The following BDP1 variants were observed in gnomAD, a reference collection of about 807,000 sequenced individuals.
BDP1 encodes the protein transcription factor TFIIIB component B'' homolog.
A neutral mutation model predicts 266.6 loss-of-function variants in BDP1; 169 were observed. The ratio of observed to expected loss-of-function variants is 0.63; its 90% CI spans 0.56 to 0.72. The LOEUF is 0.72. Among genes scored for constraint, BDP1 ranks in the 30% least tolerant of loss-of-function variants. The probability of loss-of-function intolerance (pLI) is 0.00; values close to 1 mark genes in which losing one functional copy is unlikely to be tolerated. For missense variants in BDP1, 3,015 were observed against 3,053.8 expected, an observed-to-expected ratio of 0.99 and a Z score of 0.30; for synonymous variants, 1,090 against 1,022.4, an observed-to-expected ratio of 1.07 and a Z score of -1.26.
chr5:71,463,920 A>C, intron 3 of BDP1, 138 bp from the exon 4 acceptor site: 1 of 536,948 alleles, frequency 1.9e-6, no homozygotes, highest in Non-Finnish European at 3.3e-6. Flanking sequence ...TGATTGTTGG[A>C]TTGTACTGTC....
Position 71,501,765 on chromosome 5 carries a change from T to A in BDP1, c.2048+112T>A, listed in dbSNP as rs548663289. ...GTCTGAATTTAATTTTCAAGCAGCA[T>A]ACTTTAAGTTCGTTTTCAACCATAG... On this transcript the variant is annotated intron_variant, in intron 14 of 38. Transcript: ENST00000358731. The A allele has an allele frequency of 1.6e-5, 11 of 684,074 alleles. No homozygotes were observed. In the African/African-American group the frequency reaches 2.0e-4, roughly 13 times the overall value. 42.4% of individuals were successfully genotyped at this position (684,074 alleles called of 1,614,324 possible).
intron 3 of BDP1, among the ~76,000 whole-genome samples, chr5:71,463,315 A>G (rs1416770316): frequency 6.6e-6 from 1 of 152,092 alleles, no homozygotes; most frequent in Non-Finnish European, 1.5e-5. Context: ...TCATTGTTGT[A>G]TTGTTGATGG....
intron 7 of BDP1, chr5:71,476,174 T>A: frequency 6.5e-6 from 1 of 153,698 alleles, no homozygotes. Flanking sequence ...CTGGCAGCTT[T>A]GAGAAAACAC....
chr5:71,563,640 C>CAT, intron 38 of BDP1, among the ~76,000 whole-genome samples: 1 of 151,982 alleles, frequency 6.6e-6, no homozygotes, highest in Non-Finnish European at 1.5e-5. Flanking sequence ...CAGCTGGGTG[C>CAT]GGTGGCTCAC....
intron 38 of BDP1, among the ~76,000 whole-genome samples, chr5:71,563,914 T>A (rs989609819): frequency 2.6e-5 from 4 of 152,126 alleles, no homozygotes; most frequent in South Asian, 2.1e-4. Flanking sequence ...AATAAATAAA[T>A]AAAAAGGTAC....
rs111983784 is a variant in BDP1, at chr5:71,491,164, A to G, written c.1640+33A>G. On this transcript the variant is annotated intron_variant, in intron 11 of 38. Coordinates refer to ENST00000358731, the MANE Select transcript of BDP1 (RefSeq NM_018429.3). ...CTGTGTCTTTTCTGGTTTTATCCAC[A>G]TCTGTTGATTACTGAGAAAGGAGTG... The G allele has an allele frequency of 2.5e-6, 4 of 1,597,516 alleles. No homozygotes were observed. In the South Asian group the frequency reaches 3.3e-5, roughly 13 times the overall value.
chr5:71,509,376 G>T, intron 16 of BDP1, 89 bp from the exon 17 acceptor site: 1 of 1,355,200 alleles, frequency 7.4e-7, no homozygotes, highest in Non-Finnish European at 9.7e-7. Flanking sequence ...GAGAGTTTCT[G>T]GTGTTTCTGT....
intron 2 of BDP1, among the ~76,000 whole-genome samples, chr5:71,460,472 T>TA (rs1410653083): frequency 6.6e-6 from 1 of 152,256 alleles, no homozygotes; most frequent in East Asian, 1.9e-4. Context: ...AAATGCCTCT[T>TA]AGTTTTTTTT....
At chr5:71,504,268 G>A (rs1360335053) in intron 15 of BDP1, among the ~76,000 whole-genome samples, 1 of 120,430 alleles carries the variant, frequency 8.3e-6, no homozygotes, top group East Asian at 2.3e-4. Context: ...GCAAGACTCC[G>A]TCTCAAAAAA....
chr5:71,540,514 G>T (rs1349559403), intron 28 of BDP1, among the ~76,000 whole-genome samples: 2 of 152,128 alleles, frequency 1.3e-5, no homozygotes, highest in African/African-American at 4.8e-5. Flanking sequence ...TTTTAGTAGA[G>T]TTGGGGTTTC....
Position 71,489,645 on chromosome 5 carries a change from T to C in BDP1, c.1455T>C (p.Thr485=), listed in dbSNP as rs1381625822. The C allele has an allele frequency of 3.1e-6, 5 of 1,613,334 alleles. No individual in the cohort carries two copies. In the South Asian group the frequency reaches 3.3e-5, roughly 11 times the overall value. Residue 485 remains threonine (T), a synonymous_variant, in exon 10 of 39, where the codon ACT becomes ACC. Coordinates refer to ENST00000358731, the MANE Select transcript of BDP1 (RefSeq NM_018429.3). ...TAAACAATCTTTTAGAAAATGCCAC[T>C]GTTCAGGCGGGTCCTTCTAAAGGAG... ...LGVNNLLENA[T]VQAGPSKGEK...
At chr5:71,542,489 A>T (rs563980109) in intron 30 of BDP1, among the ~76,000 whole-genome samples, 156 of 152,108 alleles carry the variant, frequency 1.0e-3, no homozygotes, top group Admixed American at 2.6e-4. Context: ...TTGTCCTTTT[A>T]TTCTCTCTCT....
intron 9 of BDP1, among the ~76,000 whole-genome samples, chr5:71,488,690 A>G (rs1038602320): frequency 2.0e-5 from 3 of 149,202 alleles, no homozygotes; most frequent in Middle Eastern, 3.5e-3. Context: ...CAGCCTCCCA[A>G]AGTGCTAGGA....
At chr5:71,544,914 T>C in intron 31 of BDP1, 125 bp from the exon 32 acceptor site, 1 of 652,552 alleles carries the variant, frequency 1.5e-6, no homozygotes, top group Non-Finnish European at 2.6e-6. Context: ...AAAGTCCTAT[T>C]GCATTAAATA....
chr5:71,573,579 G>A, the BDP1 span, among the ~76,000 whole-genome samples: 1 of 152,274 alleles, frequency 6.6e-6, no homozygotes, highest in Non-Finnish European at 1.5e-5. Context: ...GGTGCTATGC[G>A]TCTTTTACCC....
At chr5:71,470,527 A>G in intron 7 of BDP1, 38 bp downstream of exon 7, 1 of 1,274,670 alleles carries the variant, frequency 7.8e-7, no homozygotes, top group Non-Finnish European at 1.1e-6. Context: ...TTGGAAAGAG[A>G]CCAAACATTA....
intron 22 of BDP1, among the ~76,000 whole-genome samples, chr5:71,521,810 G>A (rs1486509498): frequency 1.3e-5 from 2 of 152,160 alleles, no homozygotes; most frequent in East Asian, 3.9e-4. Context: ...TCAGGCATCT[G>A]TTAGGAGAAT....
Position 71,473,316 on chromosome 5 carries a change from C to T in BDP1, c.1014+2827C>T, listed in dbSNP as rs187638387. 2.6e-3 allele frequency among the ~76,000 whole-genome samples: 321 copies of T among 122,578 alleles called. 2 individuals are homozygous for T. Among genetic ancestry groups the T allele is most frequent in the African/African-American group, 9.9e-3 (308 of 31,268 alleles). 80.4% of individuals were successfully genotyped at this position (122,578 alleles called of 152,430 possible). A position where few individuals can be genotyped will look rare whatever the true frequency, so the allele number is the denominator to read the frequency against. On this transcript the variant is annotated intron_variant, in intron 7 of 38. Coordinates refer to ENST00000358731, the MANE Select transcript of BDP1 (RefSeq NM_018429.3). ...TTGAGATGGAGTCTTGTTCTGTAGC[C>T]CAGGCTGGAGTGCAGTGGTGACATC...
chr5:71,495,498 G>A, intron 12 of BDP1, 90 bp downstream of exon 12: 2 of 767,708 alleles, frequency 2.6e-6, no homozygotes, highest in Non-Finnish European at 4.0e-6. Flanking sequence ...GATTCGAGGG[G>A]ATTATTAATA....
Sources: allele counts gnomAD v4.1 joint callset (sites outside exome capture counted in the v4.1 genomes callset), GRCh38; gene constraint gnomAD v4.1.1; transcripts MANE v1.5; gene names NCBI Gene and HGNC (gene_info 2026-07-23, HGNC 2026-07-21).